The following PPP2R3A variants were observed in gnomAD, a reference collection of about 807,000 sequenced individuals.
PPP2R3A encodes the protein serine/threonine-protein phosphatase 2A regulatory subunit B'' subunit alpha.
A neutral mutation model predicts 106.9 loss-of-function variants in PPP2R3A; 80 were observed. The ratio of observed to expected loss-of-function variants is 0.75; its 90% CI spans 0.62 to 0.90. The LOEUF (loss-of-function observed/expected upper bound fraction) is 0.90, where lower values mean the gene tolerates loss of function less well. PPP2R3A is among the 40% of genes least tolerant of loss of function. The probability of loss-of-function intolerance (pLI) is 0.00; values close to 1 mark genes in which losing one functional copy is unlikely to be tolerated. For missense variants in PPP2R3A, 1,386 were observed against 1,350.4 expected, an observed-to-expected ratio of 1.03 and a Z score of -0.41; for synonymous variants, 483 against 468.3, an observed-to-expected ratio of 1.03 and a Z score of -0.41.
intron 13 of PPP2R3A, among the ~76,000 whole-genome samples, chr3:136,139,138 C>T (rs1252381341): frequency 6.6e-6 from 1 of 152,136 alleles, no homozygotes; most frequent in Non-Finnish European, 1.5e-5. Flanking sequence ...AAACTGGAAT[C>T]AAAACATAAC....
intron 5 of PPP2R3A, among the ~76,000 whole-genome samples, chr3:136,060,921 A>G (rs1299967647): frequency 1.3e-5 from 2 of 152,250 alleles, no homozygotes; most frequent in African/African-American, 2.4e-5. Flanking sequence ...GAGGTAATAC[A>G]TATGTTAATA....
chr3:136,112,858 C>T (rs541370889), intron 13 of PPP2R3A, among the ~76,000 whole-genome samples: 5 of 152,178 alleles, frequency 3.3e-5, no homozygotes, highest in African/African-American at 7.2e-5. Context: ...TGAAGCTGGG[C>T]GCGGTGGCTC....
chr3:136,076,677 G>A (rs561370176), intron 6 of PPP2R3A, among the ~76,000 whole-genome samples: 5 of 152,262 alleles, frequency 3.3e-5, no homozygotes, highest in Admixed American at 6.5e-5. Context: ...GGCTGGGCGC[G>A]GTGGCTCACG....
intron 13 of PPP2R3A, among the ~76,000 whole-genome samples, chr3:136,144,257 A>G (rs1367205781): frequency 6.6e-6 from 1 of 152,238 alleles, no homozygotes; most frequent in African/African-American, 2.4e-5. Context: ...AAGTAGAATG[A>G]TGGGAAATCC....
intron 5 of PPP2R3A, among the ~76,000 whole-genome samples, chr3:136,068,915 C>T (rs922397111): frequency 2.0e-5 from 3 of 152,078 alleles, no homozygotes; most frequent in African/African-American, 4.8e-5. Context: ...TTCTGTGGTT[C>T]TCCTGCCAAA....
chr3:136,064,340 C>T (rs1360636413), intron 5 of PPP2R3A, among the ~76,000 whole-genome samples: 1 of 151,600 alleles, frequency 6.6e-6, no homozygotes, highest in East Asian at 1.9e-4. Flanking sequence ...CTGGGTGCAG[C>T]ACACCAGCAT....
intron 10 of PPP2R3A, among the ~76,000 whole-genome samples, chr3:136,094,464 T>C (rs1937171005): frequency 6.6e-6 from 1 of 152,158 alleles, no homozygotes; most frequent in African/African-American, 2.4e-5. Flanking sequence ...TAGAAATCAA[T>C]ATGAGAAAGA....
At chr3:136,087,858 C>G in intron 8 of PPP2R3A, 25 bp from the exon 9 acceptor site, 2 of 1,585,598 alleles carry the variant, frequency 1.3e-6, no homozygotes, top group Non-Finnish European at 1.7e-6. Flanking sequence ...ACTAGCTTTG[C>G]AATTTTTTTT....
intron 2 of PPP2R3A, among the ~76,000 whole-genome samples, chr3:136,015,693 G>C (rs1348706312): frequency 3.3e-5 from 5 of 151,284 alleles, no homozygotes; most frequent in African/African-American, 1.2e-4. Flanking sequence ...AGCTTATTTG[G>C]ATCGTCTCTC....
At chr3:135,977,317 A>G (rs1293409005) in intron 1 of PPP2R3A, among the ~76,000 whole-genome samples, 1 of 152,226 alleles carries the variant, frequency 6.6e-6, no homozygotes, top group Admixed American at 6.5e-5. Context: ...CTTAGAATCA[A>G]TTTATATCAT....
rs1313522266 is a variant in PPP2R3A at position 136,002,885 on chromosome 3, A to G, written c.1387A>G (p.Thr463Ala). ...TGCTACTCATCTTAAAAAATGCCCC[A>G]CCCCAATGCAAAATGAAATTGGTAA... is the stretch of plus-strand genomic sequence containing the variant. Reference protein sequence around the residue: ...EHATHLKKCPTPMQNEIGKIF... With the variant: ...EHATHLKKCPAPMQNEIGKIF... Residue 463 changes from threonine (T) to alanine (A), a missense_variant, in exon 2 of 14, where the codon ACC becomes GCC. Physicochemically the swap from Thr to Ala is moderately conservative, Grantham distance 58 (BLOSUM62 0). Coordinates refer to ENST00000264977, the MANE Select transcript of PPP2R3A (RefSeq NM_002718.5). 2 of 1,612,950 alleles carry G rather than the reference A, an allele frequency of 1.2e-6. No individual in the cohort carries two copies. The highest frequency in any genetic ancestry group is 1.7e-5 in the Admixed American group (1 of 59,760).
At chr3:136,009,497 T>A (rs906245895) in intron 2 of PPP2R3A, among the ~76,000 whole-genome samples, 3 of 152,176 alleles carry the variant, frequency 2.0e-5, no homozygotes, top group African/African-American at 7.2e-5. Context: ...TACAGGAGCT[T>A]CTCAATTCCT....
At chr3:136,124,707 A>G (rs1487303279) in intron 13 of PPP2R3A, among the ~76,000 whole-genome samples, 5 of 152,096 alleles carry the variant, frequency 3.3e-5, no homozygotes, top group Admixed American at 6.5e-5. Context: ...TAATTAATTA[A>G]ACCAAAACCT....
At chr3:135,991,221 G>A (rs1933146749) in intron 1 of PPP2R3A, among the ~76,000 whole-genome samples, 1 of 152,030 alleles carries the variant, frequency 6.6e-6, no homozygotes, top group Non-Finnish European at 1.5e-5. Context: ...TATGTTGAAG[G>A]GTACCTGGCC....
Position 136,082,285 on chromosome 3 carries a change from A to G in PPP2R3A, c.2652A>G (p.Glu884=). The G allele has an allele frequency of 6.3e-7, 1 of 1,589,370 alleles. No homozygotes were observed. Among genetic ancestry groups the G allele is most frequent in the South Asian group, 1.1e-5 (1 of 90,454 alleles). ...TTCAGACCCTAGCACTTTTGGAAGA[A>G]GAGGAAGATATAAACCAAATTACAG... is the stretch of plus-strand genomic sequence containing the variant. ...NFLQTLALLE[E]EEDINQITDY... is the part of the protein sequence containing the mutation. Residue 884 remains glutamate (E), a synonymous_variant, in exon 8 of 14, where the codon GAA becomes GAG. Transcript: ENST00000264977.
chr3:136,105,725 G>A lies in PPP2R3A; in HGVS notation c.3223-491G>A, dbSNP rs564623028. 1.5e-3 allele frequency among the ~76,000 whole-genome samples: 222 copies of A among 152,256 alleles called. 3 individuals carry two copies. Among genetic ancestry groups the A allele is most frequent in the African/African-American group, 4.6e-3 (193 of 41,546 alleles). The stretch of plus-strand genomic sequence containing the variant: ...ACCTGTAATCCCAGCACTTTGGGAC[G>A]CTGAGGCGGGCAGATCACCTGAGGT... On this transcript the variant is annotated intron_variant, in intron 12 of 13. Coordinates refer to ENST00000264977, the MANE Select transcript of PPP2R3A (RefSeq NM_002718.5).
At chr3:136,000,519 A>G (rs1405690101) in intron 1 of PPP2R3A, among the ~76,000 whole-genome samples, 1 of 152,216 alleles carries the variant, frequency 6.6e-6, no homozygotes, top group East Asian at 1.9e-4. Flanking sequence ...CAGTAAGCAA[A>G]AAGAAGATGA....
At position 135,972,109 on chromosome 3, in the gene PPP2R3A, C is replaced by T. The variant is rs893594207; in HGVS notation, c.-441+6260C>T. Reference sequence around the variant, plus strand: ...TCACCCCAAAAGGAAACCCTGTACCCATTAAGCAGTCACTCGCCATTCCCC... The same window carrying T: ...TCACCCCAAAAGGAAACCCTGTACCTATTAAGCAGTCACTCGCCATTCCCC... On this transcript the variant is annotated intron_variant, in intron 1 of 13. Transcript: ENST00000264977. 4.6e-5 allele frequency among the ~76,000 whole-genome samples: 7 copies of T among 152,308 alleles called. No individual in the cohort carries two copies. In the East Asian group the frequency reaches 5.8e-4, roughly 13 times the overall value.
chr3:135,979,236 G>T (rs746172783), intron 1 of PPP2R3A, among the ~76,000 whole-genome samples: 2 of 151,422 alleles, frequency 1.3e-5, no homozygotes, highest in Non-Finnish European at 2.9e-5. Context: ...AAAATTAGCC[G>T]GGTGTGATGG....
Sources: allele counts gnomAD v4.1 joint callset (sites outside exome capture counted in the v4.1 genomes callset), GRCh38; gene constraint gnomAD v4.1.1; transcripts MANE v1.5; gene names NCBI Gene and HGNC (gene_info 2026-07-23, HGNC 2026-07-21).